The following THOC1 variants were observed in gnomAD, a reference collection of about 807,000 sequenced individuals.
THOC1 encodes THO complex subunit 1, also known as THO complex 1.
In THOC1, 29 loss-of-function variants were observed where a neutral mutation model predicts 97.3. That is an observed-to-expected ratio of 0.30 (90% CI 0.22 to 0.41). THOC1 has a LOEUF of 0.41. THOC1 is among the 10% of genes least tolerant of loss of function. The pLI, the probability that THOC1 is intolerant of heterozygous loss-of-function variation, is 1.00. For missense variants in THOC1, 529 were observed against 761.9 expected (o/e 0.69, Z 3.60); for synonymous variants, 255 against 257.0 (o/e 0.99, Z 0.07).
intron 11 of THOC1, among the ~76,000 whole-genome samples, chr18:229,549 G>C (rs1479655364): frequency 6.6e-6 from 1 of 152,010 alleles, no homozygotes; most frequent in East Asian, 1.9e-4. Context: ...GGGCGTGGTG[G>C]TGCATGCCCT....
At chr18:238,229 C>T (rs1438235580) in intron 11 of THOC1, among the ~76,000 whole-genome samples, 1 of 152,174 alleles carries the variant, frequency 6.6e-6, no homozygotes, top group East Asian at 1.9e-4. Context: ...AATGAAAAAT[C>T]TAATTTTAGC....
intron 7 of THOC1, among the ~76,000 whole-genome samples, chr18:257,422 G>A (rs900140932): frequency 6.6e-6 from 1 of 152,152 alleles, no homozygotes; most frequent in East Asian, 1.9e-4. Flanking sequence ...TTAATAAACA[G>A]ATCTACTGGT....
intron 18 of THOC1, 72 bp downstream of exon 18, chr18:218,814 A>C: frequency 7.8e-7 from 1 of 1,279,712 alleles, no homozygotes; most frequent in Non-Finnish European, 1.1e-6. Context: ...GAGGCTTTCT[A>C]GTATACACAC....
intron 10 of THOC1, 22 bp downstream of exon 10, chr18:247,827 T>TAGTC: frequency 7.0e-7 from 1 of 1,420,526 alleles, no homozygotes; most frequent in Non-Finnish European, 9.9e-7. Flanking sequence ...GGGCTTCTGA[T>TAGTC]AGTCTGTCAA....
chr18:215,631 C>T (rs911154906), intron 19 of THOC1, 127 bp from the exon 20 acceptor site: 41 of 674,024 alleles, frequency 6.1e-5, no homozygotes, highest in South Asian at 6.0e-4. Context: ...CCCCTGAGAG[C>T]GTTAAATGAC....
chr18:227,040 G>C, intron 11 of THOC1, 139 bp from the exon 12 acceptor site: 1 of 679,272 alleles, frequency 1.5e-6, no homozygotes, highest in South Asian at 1.9e-5. Flanking sequence ...CACTGCATGT[G>C]AGGCATTACC....
intron 11 of THOC1, among the ~76,000 whole-genome samples, chr18:243,696 C>G (rs973833837): frequency 1.3e-5 from 2 of 152,062 alleles, no homozygotes; most frequent in African/African-American, 4.8e-5. Flanking sequence ...AAACTGACAC[C>G]TCTGCATTCT....
At chr18:251,547 T>G (rs1397367135) in intron 9 of THOC1, among the ~76,000 whole-genome samples, 1 of 150,766 alleles carries the variant, frequency 6.6e-6, no homozygotes, top group African/African-American at 2.4e-5. Context: ...CAACATTGTT[T>G]TATTGTAACG....
chr18:266,954 C>A (rs1912790131), intron 1 of THOC1, among the ~76,000 whole-genome samples: 1 of 151,088 alleles, frequency 6.6e-6, no homozygotes, highest in Non-Finnish European at 1.5e-5. Context: ...AAATATAATC[C>A]ATTTAAAAAA....
In THOC1 at chr18:265,315, T is replaced by C. The variant is rs1912728327; in HGVS notation, c.177A>G (p.Leu59=). 6.3e-7 allele frequency: 1 copy of C among 1,595,996 alleles called. No individual in the cohort carries two copies. The highest frequency in any genetic ancestry group is 1.4e-5 in the African/African-American group (1 of 74,004). The stretch of plus-strand genomic sequence containing the variant: ...AAAACATACTTACAATTTCTTCTTC[T>C]AGAATACCTCTGAAAGCTTGGTCAA... The part of the protein sequence containing the change: ...CTLDQAFRGI[L]EEEIINHSSC... The change falls in exon 3 of 21, where the codon CTA becomes CTG. Residue 59 remains leucine (L), a synonymous_variant. Coordinates refer to ENST00000261600, the MANE Select transcript of THOC1 (RefSeq NM_005131.3).
At chr18:215,722 C>T (rs1910857912) in intron 19 of THOC1, 1 of 478,012 alleles carries the variant, frequency 2.1e-6, no homozygotes, top group East Asian at 3.5e-5. Flanking sequence ...GTTGGAAAGA[C>T]TCCCCACCCC....
chr18:268,034 G>GTGCCCGCCACTGCGCTGCGGCGCC lies in THOC1; in HGVS notation c.-16_-15insGGCGCCGCAGCGCAGTGGCGGGCA. ...GTCGGAGACATCTTCTCGGCTGCGC[G>GTGCCCGCCACTGCGCTGCGGCGCC]TGCCCGCCACTGCGCTGCGGCGCCT... On this transcript the variant is annotated 5_prime_UTR_variant, in exon 1 of 21. Transcript: ENST00000261600. 6.4e-7 allele frequency: 1 copy of GTGCCCGCCACTGCGCTGCGGCGCC among 1,563,520 alleles called. No individual in the cohort carries two copies. The highest frequency in any genetic ancestry group is 8.7e-7 in the Non-Finnish European group (1 of 1,154,634).
chr18:215,197 A>G (rs1910832055), intron 20 of THOC1, among the ~76,000 whole-genome samples: 1 of 152,194 alleles, frequency 6.6e-6, no homozygotes, highest in Non-Finnish European at 1.5e-5. Context: ...GGTCGCCTTC[A>G]AATGTATTTT....
chr18:265,503 T>C lies in THOC1; in HGVS notation c.82A>G (p.Lys28Glu). ...TKSTREALNNKNIKPLLSTFS... is the reference protein window; with the variant it reads ...TKSTREALNNENIKPLLSTFS... ...GTACTTAACAATGGCTTGATGTTTT[T>C]GTTGTTCAAGGCCTCTCTGGTAGAC... The change falls in exon 2 of 21, where the codon AAA (lysine) becomes GAA (glutamate). Residue 28 changes from lysine to glutamate, a missense_variant. Physicochemically the swap from Lys to Glu is moderately conservative, Grantham distance 56. Transcript: ENST00000261600. 6.3e-7 allele frequency: 1 copy of C among 1,595,162 alleles called. No homozygotes were observed. Among genetic ancestry groups the C allele is most frequent in the Middle Eastern group, 1.7e-4 (1 of 5,900 alleles).
intron 3 of THOC1, chr18:265,012 G>A (rs111685292): frequency 6.7e-4 from 222 of 330,454 alleles, no homozygotes; most frequent in Admixed American, 3.4e-3. Context: ...GCTTATACAG[G>A]AAAGTGAGAG....
Position 227,517 on chromosome 18 carries a change from C to CT in THOC1, c.919-617dup, listed in dbSNP as rs765831033. On this transcript the variant is annotated intron_variant, in intron 11 of 20. Coordinates refer to ENST00000261600, the MANE Select transcript of THOC1 (RefSeq NM_005131.3). ...TGAAGATCATCTCTGATTAGATGGG[C>CT]TTTTTTTTTTAGCTTTTAGTGAAAA... is the stretch of plus-strand genomic sequence containing the variant. 3.9e-3 allele frequency among the ~76,000 whole-genome samples: 563 copies of CT among 145,760 alleles called. 4 individuals carry two copies. Among genetic ancestry groups the CT allele is most frequent in the Non-Finnish European group, 5.6e-3 (371 of 65,832 alleles).
chr18:225,261 C>T (rs1395647065), intron 13 of THOC1, 76 bp downstream of exon 13: 2 of 1,569,122 alleles, frequency 1.3e-6, no homozygotes, highest in East Asian at 2.3e-5. Context: ...TCCTTATTTT[C>T]CTATTTGGGG....
intron 11 of THOC1, among the ~76,000 whole-genome samples, chr18:235,925 T>C (rs745603669): frequency 6.6e-6 from 1 of 152,226 alleles, no homozygotes; most frequent in African/African-American, 2.4e-5. Context: ...CAGTTAAAAA[T>C]ACATACTGTA....
intron 17 of THOC1, 21 bp downstream of exon 17, chr18:223,419 T>C (rs1264304302): frequency 6.5e-7 from 1 of 1,545,656 alleles, no homozygotes; most frequent in South Asian, 1.2e-5. Context: ...CAACACTTCA[T>C]TTGAAAAATG....
Sources: allele counts gnomAD v4.1 joint callset (sites outside exome capture counted in the v4.1 genomes callset), GRCh38; gene constraint gnomAD v4.1.1; transcripts MANE v1.5; gene names NCBI Gene and HGNC (gene_info 2026-07-23, HGNC 2026-07-21).